The following ASTN2 variants were observed in gnomAD, a reference collection of about 807,000 sequenced individuals.
ASTN2 encodes the protein astrotactin-2.
A neutral mutation model predicts 139.8 loss-of-function variants in ASTN2; 54 were observed. The observed-to-expected ratio is 0.39, with a 90% CI of 0.31 to 0.48. ASTN2 has a LOEUF of 0.48. ASTN2 is among the 20% of genes least tolerant of loss of function. The probability of loss-of-function intolerance (pLI) is 0.95; values close to 1 mark genes in which losing one functional copy is unlikely to be tolerated. For missense variants in ASTN2, 1,565 were observed against 1,725.1 expected (o/e 0.91, Z 1.64); for synonymous variants, 756 against 719.5 (o/e 1.05, Z -0.81).
chr9:116,426,219 G>T, intron 22 of ASTN2, 131 bp from the exon 23 acceptor site: 1 of 1,135,418 alleles, frequency 8.8e-7, no homozygotes. Context: ...ATTGGAGTGT[G>T]GTACTTCAAA....
intron 1 of ASTN2, among the ~76,000 whole-genome samples, chr9:117,403,377 A>T (rs1347498714): frequency 1.3e-5 from 2 of 152,162 alleles, no homozygotes; most frequent in Non-Finnish European, 2.9e-5. Context: ...TCTAGAATGG[A>T]GCTCTGTCCA....
rs1386978170 is a variant in ASTN2, at chr9:117,022,447, A to AC, written c.1424-14189_1424-14188insG. The stretch of plus-strand genomic sequence containing the variant: ...TCATGTACAGTATCCCAGGGCAAAA[A>AC]AAAAAAACAAAAAAACAAAAAACAA... On this transcript the variant is annotated intron_variant, in intron 6 of 22. Coordinates refer to ENST00000313400, the MANE Select transcript of ASTN2 (RefSeq NM_001365068.1). Among the ~76,000 whole-genome samples the AC allele has an allele frequency of 6.3e-3, 705 of 111,866 alleles. 6 individuals are homozygous for AC. The highest frequency in any genetic ancestry group is 0.017 in the African/African-American group (664 of 38,196). 73.4% of individuals were successfully genotyped at this position (111,866 alleles called of 152,430 possible). A position where few individuals can be genotyped will look rare whatever the true frequency, so the allele number is the denominator to read the frequency against.
At chr9:116,686,503 G>T (rs563791818) in intron 16 of ASTN2, among the ~76,000 whole-genome samples, 56 of 152,252 alleles carry the variant, frequency 3.7e-4, no homozygotes, top group African/African-American at 1.3e-3. Flanking sequence ...AGTCACCTTG[G>T]AGAGTAGGTG....
At chr9:117,340,215 C>T (rs1475402962) in intron 1 of ASTN2, among the ~76,000 whole-genome samples, 1 of 151,312 alleles carries the variant, frequency 6.6e-6, no homozygotes, top group African/African-American at 2.4e-5. Flanking sequence ...ACCTATAATC[C>T]CAGCGACTCG....
intron 10 of ASTN2, among the ~76,000 whole-genome samples, chr9:116,948,751 C>CAG (rs145595672): frequency 2.3e-4 from 27 of 117,582 alleles, no homozygotes; most frequent in Middle Eastern, 0.012. Context: ...AAAACAGAGA[C>CAG]AGAGAGAGAG....
At chr9:116,949,091 T>C (rs747468477) in intron 10 of ASTN2, among the ~76,000 whole-genome samples, 10 of 151,966 alleles carry the variant, frequency 6.6e-5, no homozygotes, top group Non-Finnish European at 1.3e-4. Context: ...GCCTGGCTTC[T>C]TTCTCTTTTT....
chr9:116,988,454 C>A (rs1433953638), intron 7 of ASTN2, among the ~76,000 whole-genome samples: 1 of 152,144 alleles, frequency 6.6e-6, no homozygotes, highest in Non-Finnish European at 1.5e-5. Flanking sequence ...AAGGAAAATA[C>A]CAAGAGATGC....
chr9:116,560,649 T>G (rs1187696343), intron 19 of ASTN2, among the ~76,000 whole-genome samples: 1 of 152,214 alleles, frequency 6.6e-6, no homozygotes, highest in African/African-American at 2.4e-5. Flanking sequence ...ATTGATGTGT[T>G]TGTCTCCTAC....
intron 19 of ASTN2, among the ~76,000 whole-genome samples, chr9:116,573,913 G>A (rs1317534955): frequency 6.6e-6 from 1 of 152,184 alleles, no homozygotes; most frequent in African/African-American, 2.4e-5. Flanking sequence ...GCCATACGTT[G>A]TACTTAGAAT....
intron 7 of ASTN2, among the ~76,000 whole-genome samples, chr9:116,989,136 ATT>A (rs543191295): frequency 6.6e-6 from 1 of 151,488 alleles, no homozygotes; most frequent in African/African-American, 2.4e-5. Flanking sequence ...ACTCATTGAC[ATT>A]TTTTTTTCCA....
intron 1 of ASTN2, among the ~76,000 whole-genome samples, chr9:117,413,433 A>C (rs1407967579): frequency 6.6e-6 from 1 of 152,254 alleles, no homozygotes; most frequent in Non-Finnish European, 1.5e-5. Flanking sequence ...GTTGTTGGCC[A>C]GACTCCGACA....
intron 10 of ASTN2, among the ~76,000 whole-genome samples, chr9:116,880,821 A>T (rs1357348514): frequency 6.6e-6 from 1 of 152,152 alleles, no homozygotes; most frequent in East Asian, 1.9e-4. Flanking sequence ...TCCATGCTAG[A>T]TACTTGGCAC....
intron 10 of ASTN2, among the ~76,000 whole-genome samples, chr9:116,940,641 A>C (rs1031066241): frequency 1.1e-4 from 16 of 152,238 alleles, no homozygotes; most frequent in African/African-American, 3.6e-4. Context: ...CAAGTCAAAA[A>C]GTTTAAAGAA....
chr9:117,044,077 C>G (rs1000050562), intron 5 of ASTN2, among the ~76,000 whole-genome samples: 40 of 151,972 alleles, frequency 2.6e-4, no homozygotes, highest in African/African-American at 9.7e-4. Flanking sequence ...GTGTCTAATG[C>G]CAAGCAAAGA....
At chr9:117,337,354 G>T (rs1357019430) in intron 1 of ASTN2, among the ~76,000 whole-genome samples, 2 of 152,070 alleles carry the variant, frequency 1.3e-5, no homozygotes, top group African/African-American at 4.8e-5. Context: ...GCACATTAAG[G>T]CCTATCCTAA....
At chr9:116,834,940 T>C (rs1831938804) in intron 11 of ASTN2, among the ~76,000 whole-genome samples, 1 of 152,138 alleles carries the variant, frequency 6.6e-6, no homozygotes, top group East Asian at 1.9e-4. Context: ...TCCCAGCTAC[T>C]TGGGATGTTG....
At chr9:116,432,368 T>C (rs955508151) in intron 22 of ASTN2, among the ~76,000 whole-genome samples, 2 of 152,234 alleles carry the variant, frequency 1.3e-5, no homozygotes, top group Non-Finnish European at 2.9e-5. Flanking sequence ...TCTTGGGATG[T>C]AATGTGGTTT....
At chr9:116,774,093 T>C (rs1017740674) in intron 13 of ASTN2, among the ~76,000 whole-genome samples, 2 of 152,198 alleles carry the variant, frequency 1.3e-5, no homozygotes, top group African/African-American at 2.4e-5. Context: ...GGAATTCCTA[T>C]ACATGAAACT....
At chr9:116,833,026 G>A (rs1255408541) in intron 11 of ASTN2, among the ~76,000 whole-genome samples, 4 of 151,344 alleles carry the variant, frequency 2.6e-5, no homozygotes, top group African/African-American at 9.7e-5. Context: ...AAACTATCCA[G>A]GACAGGGATT....
Sources: gnomAD v4.1 joint callset for allele counts (sites outside exome capture counted in the v4.1 genomes callset) on GRCh38, gnomAD v4.1.1 for gene constraint, MANE v1.5 for transcripts, NCBI Gene and HGNC (gene_info 2026-07-23, HGNC 2026-07-21) for gene names.